The following ATP8A2 variants were observed in gnomAD, a reference collection of about 807,000 sequenced individuals.
ATP8A2 encodes phospholipid-transporting ATPase IB.
A neutral mutation model predicts 165.6 loss-of-function variants in ATP8A2; 100 were observed. That is an observed-to-expected ratio of 0.60 (90% CI 0.51 to 0.71). ATP8A2 has a LOEUF of 0.71. Among genes scored for constraint, ATP8A2 ranks in the 30% least tolerant of loss-of-function variants. The probability of loss-of-function intolerance (pLI) is 0.00; values close to 1 mark genes in which losing one functional copy is unlikely to be tolerated. For synonymous variants in ATP8A2, 543 were observed against 548.8 expected (o/e 0.99, Z 0.15); for missense variants, 1,227 against 1,479.5 (o/e 0.83, Z 2.80).
intron 33 of ATP8A2, among the ~76,000 whole-genome samples, chr13:25,939,147 C>G (rs1954997313): frequency 6.6e-6 from 1 of 152,156 alleles, no homozygotes; most frequent in Non-Finnish European, 1.5e-5. Flanking sequence ...CAGGCCTTCT[C>G]CTTTCCTTTG....
At chr13:25,994,660 T>C (rs879300058) in intron 35 of ATP8A2, among the ~76,000 whole-genome samples, 1 of 152,152 alleles carries the variant, frequency 6.6e-6, no homozygotes, top group Admixed American at 6.5e-5. Flanking sequence ...TTTTTCTCTT[T>C]AGCCTGTTAA....
chr13:25,602,961 A>G (rs2040426538), intron 24 of ATP8A2, among the ~76,000 whole-genome samples: 1 of 152,090 alleles, frequency 6.6e-6, no homozygotes, highest in African/African-American at 2.4e-5. Context: ...AGTCCCAACT[A>G]CTTGGGAGGC....
chr13:25,542,520 G>A (rs940003763), intron 9 of ATP8A2, among the ~76,000 whole-genome samples: 1 of 151,430 alleles, frequency 6.6e-6, no homozygotes. Context: ...TTGTTCTTCT[G>A]GCATTTGTTA....
intron 1 of ATP8A2, among the ~76,000 whole-genome samples, chr13:25,376,564 T>C (rs2032633143): frequency 6.6e-6 from 1 of 152,234 alleles, no homozygotes; most frequent in African/African-American, 2.4e-5. Flanking sequence ...AAGATAAAAA[T>C]AAGAATTTGC....
intron 25 of ATP8A2, among the ~76,000 whole-genome samples, chr13:25,733,571 C>T (rs2043702100): frequency 1.3e-5 from 2 of 152,170 alleles, no homozygotes; most frequent in Admixed American, 1.3e-4. Flanking sequence ...CACCAGGAAC[C>T]TTTGCCTTTT....
intron 2 of ATP8A2, among the ~76,000 whole-genome samples, chr13:25,527,511 A>G (rs180697133): frequency 2.6e-4 from 40 of 152,338 alleles, no homozygotes; most frequent in Middle Eastern, 6.8e-3. Flanking sequence ...ATTCTGTAAC[A>G]TGACAGCTAA....
chr13:25,469,224 T>C, intron 2 of ATP8A2, 103 bp downstream of exon 2: 1 of 1,408,996 alleles, frequency 7.1e-7, no homozygotes, highest in East Asian at 2.5e-5. Flanking sequence ...CCGGCCCCCG[T>C]CCATCTCCCC....
intron 33 of ATP8A2, among the ~76,000 whole-genome samples, chr13:25,884,021 A>G: frequency 6.6e-6 from 1 of 152,142 alleles, no homozygotes; most frequent in East Asian, 1.9e-4. Flanking sequence ...CTTTAGGAGA[A>G]ATGGAGTTCA....
intron 25 of ATP8A2, among the ~76,000 whole-genome samples, chr13:25,720,314 C>T (rs934730973): frequency 6.6e-6 from 1 of 151,796 alleles, no homozygotes; most frequent in East Asian, 2.0e-4. Flanking sequence ...AGGTGCCCAC[C>T]ACCATGCCAG....
At chr13:26,001,569 G>C (rs1033751097) in intron 35 of ATP8A2, among the ~76,000 whole-genome samples, 1 of 152,092 alleles carries the variant, frequency 6.6e-6, no homozygotes. Context: ...AGCCATCCTA[G>C]TATGTGTGAA....
At chr13:25,480,635 G>T (rs1426744101) in intron 2 of ATP8A2, among the ~76,000 whole-genome samples, 3 of 151,492 alleles carry the variant, frequency 2.0e-5, no homozygotes, top group Non-Finnish European at 2.9e-5. Context: ...TCCTAGATGG[G>T]ATGGCGGCCG....
At chr13:25,436,450 T>A (rs2034778773) in intron 1 of ATP8A2, among the ~76,000 whole-genome samples, 1 of 152,234 alleles carries the variant, frequency 6.6e-6, no homozygotes, top group Admixed American at 6.5e-5. Context: ...CTCATTCTTT[T>A]TTATGGCTAT....
chr13:25,431,794 A>C (rs2034621605), intron 1 of ATP8A2, among the ~76,000 whole-genome samples: 1 of 152,220 alleles, frequency 6.6e-6, no homozygotes, highest in Non-Finnish European at 1.5e-5. Flanking sequence ...AATTCATTTT[A>C]GTATATTCAC....
chr13:25,786,049 A>G (rs2138378348), intron 27 of ATP8A2, among the ~76,000 whole-genome samples: 1 of 152,346 alleles, frequency 6.6e-6, no homozygotes, highest in African/African-American at 2.4e-5. Context: ...GTATGCAAGT[A>G]AAATGTAATT....
chr13:25,856,288 A>G (rs1240219535), intron 30 of ATP8A2, among the ~76,000 whole-genome samples: 1 of 152,242 alleles, frequency 6.6e-6, no homozygotes, highest in African/African-American at 2.4e-5. Context: ...CAACTCAAAA[A>G]CAAAAAGTCA....
intron 1 of ATP8A2, among the ~76,000 whole-genome samples, chr13:25,464,397 C>T (rs1487265031): frequency 4.1e-5 from 6 of 144,736 alleles, no homozygotes; most frequent in Admixed American, 7.2e-5. Flanking sequence ...GCTGGGATCT[C>T]GGAGAGGACT....
intron 1 of ATP8A2, among the ~76,000 whole-genome samples, chr13:25,403,477 A>G (rs1165625495): frequency 1.3e-5 from 2 of 152,210 alleles, no homozygotes; most frequent in Non-Finnish European, 2.9e-5. Flanking sequence ...TGCTAGAGAA[A>G]AGTACAGAAA....
chr13:25,738,115 GA>G (rs1435856758), intron 25 of ATP8A2, among the ~76,000 whole-genome samples: 1 of 152,186 alleles, frequency 6.6e-6, no homozygotes, highest in African/African-American at 2.4e-5. Context: ...CCTGGTTGCA[GA>G]AGTGCTATTT....
intron 33 of ATP8A2, among the ~76,000 whole-genome samples, chr13:25,864,679 G>A (rs1022867235): frequency 1.3e-5 from 2 of 152,158 alleles, no homozygotes; most frequent in Non-Finnish European, 2.9e-5. Context: ...CACTTTATTG[G>A]TTGGTTCCCA....
Sources: gnomAD v4.1 joint callset for allele counts (sites outside exome capture counted in the v4.1 genomes callset) on GRCh38, gnomAD v4.1.1 for gene constraint, MANE v1.5 for transcripts, NCBI Gene and HGNC (gene_info 2026-07-23, HGNC 2026-07-21) for gene names.